Variants in CFAP20DC observed in about 807,000 individuals in gnomAD.
CFAP20DC encodes the protein protein CFAP20DC.
A neutral mutation model predicts 101.7 loss-of-function variants in CFAP20DC; 84 were observed. The ratio of observed to expected loss-of-function variants is 0.83; its 90% CI spans 0.69 to 0.99. The LOEUF (loss-of-function observed/expected upper bound fraction) is 0.99. Ranked by LOEUF, CFAP20DC falls within the 50% of genes least tolerant of loss-of-function variation. The probability of loss-of-function intolerance (pLI) is 0.00; values close to 1 mark genes in which losing one functional copy is unlikely to be tolerated. For missense variants in CFAP20DC, 1,007 were observed against 970.3 expected (o/e 1.04, Z -0.50); for synonymous variants, 359 against 351.2 (o/e 1.02, Z -0.25).
chr3:58,856,488 C>G (rs2078837618), intron 12 of CFAP20DC, among the ~76,000 whole-genome samples: 1 of 152,226 alleles, frequency 6.6e-6, no homozygotes, highest in African/African-American at 2.4e-5. Flanking sequence ...GCTGCAGGCA[C>G]TGGGCAACCC....
intron 15 of CFAP20DC, among the ~76,000 whole-genome samples, chr3:58,756,260 C>G (rs2068946671): frequency 2.0e-5 from 3 of 152,030 alleles, no homozygotes; most frequent in African/African-American, 7.2e-5. Context: ...TCAGTATCCT[C>G]AAGATATTTA....
At chr3:58,901,244 CT>C (rs2083119363) in intron 6 of CFAP20DC, among the ~76,000 whole-genome samples, 1 of 152,192 alleles carries the variant, frequency 6.6e-6, no homozygotes, top group Non-Finnish European at 1.5e-5. Context: ...TGTTCATTCA[CT>C]CATTCATTTG....
At chr3:58,932,037 C>T (rs989921688) in intron 5 of CFAP20DC, among the ~76,000 whole-genome samples, 2 of 152,026 alleles carry the variant, frequency 1.3e-5, no homozygotes, top group Admixed American at 1.3e-4. Context: ...AAAATTTAGA[C>T]GAATGTATAA....
chr3:58,989,355 C>T (rs1241190082), intron 4 of CFAP20DC, among the ~76,000 whole-genome samples: 5 of 152,036 alleles, frequency 3.3e-5, no homozygotes, highest in African/African-American at 9.7e-5. Context: ...TAAGAACATG[C>T]TGTTTTTAGA....
At chr3:58,813,789 C>A (rs1310188783) in intron 14 of CFAP20DC, among the ~76,000 whole-genome samples, 4 of 151,840 alleles carry the variant, frequency 2.6e-5, no homozygotes, top group African/African-American at 9.7e-5. Flanking sequence ...TACTCAGATA[C>A]TTTGGTAATT....
At chr3:58,888,056 C>G (rs1453837140) in intron 6 of CFAP20DC, among the ~76,000 whole-genome samples, 1 of 152,182 alleles carries the variant, frequency 6.6e-6, no homozygotes, top group East Asian at 1.9e-4. Flanking sequence ...CACTCATCTC[C>G]CCACCTCACC....
chr3:58,933,882 A>G (rs2087107767), intron 5 of CFAP20DC, among the ~76,000 whole-genome samples: 1 of 151,884 alleles, frequency 6.6e-6, no homozygotes, highest in Admixed American at 6.6e-5. Context: ...AAGAGCAAAC[A>G]CATTCAAAAG....
intron 14 of CFAP20DC, among the ~76,000 whole-genome samples, chr3:58,818,203 C>A (rs914368564): frequency 6.6e-6 from 1 of 151,808 alleles, no homozygotes; most frequent in African/African-American, 2.4e-5. Flanking sequence ...AATGTAAAGA[C>A]CATCGAGACT....
At chr3:58,962,074 C>A (rs1439698660) in intron 4 of CFAP20DC, among the ~76,000 whole-genome samples, 1 of 152,024 alleles carries the variant, frequency 6.6e-6, no homozygotes, top group Non-Finnish European at 1.5e-5. Flanking sequence ...GTTTGCTGTT[C>A]TCTTTCTAGT....
chr3:58,863,074 C>A lies in CFAP20DC; in HGVS notation c.1593+484G>T. The A allele has an allele frequency of 1.0e-6, 1 of 993,698 alleles. No individual in the cohort carries two copies. The highest frequency in any genetic ancestry group is 1.2e-6 in the Non-Finnish European group (1 of 835,890). 61.6% of individuals were successfully genotyped at this position (993,698 alleles called of 1,614,324 possible). Reference sequence around the variant, plus strand: ...CTCATTATCTAAACTTTAATTGGCACAACTCTTCAAATTCTGGGACCATAT... The same window carrying A: ...CTCATTATCTAAACTTTAATTGGCAAAACTCTTCAAATTCTGGGACCATAT... On this transcript the variant is annotated intron_variant, in intron 12 of 16. Transcript: ENST00000482387. This position sits in a 1 kb window ranked among gnomAD's most constrained non-coding sequence, Gnocchi z 5.9.
chr3:58,759,621 C>T (rs1239589842), intron 15 of CFAP20DC, among the ~76,000 whole-genome samples: 2 of 152,142 alleles, frequency 1.3e-5, no homozygotes, highest in Admixed American at 1.3e-4. Flanking sequence ...TGCCTATGTC[C>T]TGGATGGTAT....
intron 15 of CFAP20DC, among the ~76,000 whole-genome samples, chr3:58,787,055 G>T (rs546190188): frequency 6.6e-6 from 1 of 151,466 alleles, no homozygotes; most frequent in Non-Finnish European, 1.5e-5. Context: ...AATATACAAA[G>T]AAAGAATATT....
At chr3:58,818,437 T>C (rs2075363625) in intron 14 of CFAP20DC, among the ~76,000 whole-genome samples, 2 of 150,886 alleles carry the variant, frequency 1.3e-5, no homozygotes, top group South Asian at 4.2e-4. Context: ...AATAAAAGGA[T>C]GGAGGAAGAT....
At position 58,894,670 on chromosome 3, in the gene CFAP20DC, G is replaced by A. The variant is rs558191804; in HGVS notation, c.551-9961C>T. Among the ~76,000 whole-genome samples the A allele has an allele frequency of 2.0e-5, 3 of 152,310 alleles. No homozygotes were observed. The highest frequency in any genetic ancestry group is 4.1e-4 in the South Asian group (2 of 4,826). ...TGGATCTACCATTCCGGGGTTTGGA[G>A]GATGGTGGCCCTCTTCTTACAGCTC... is the stretch of plus-strand genomic sequence containing the variant. On this transcript the variant is annotated intron_variant, in intron 6 of 16. Transcript: ENST00000482387. The surrounding 1 kb of genome is among the most constrained non-coding windows in gnomAD (Gnocchi z 4.1).
At position 58,799,064 on chromosome 3, in the gene CFAP20DC, T is replaced by A. The variant is rs2073469539; in HGVS notation, c.2237+7331A>T. Among the ~76,000 whole-genome samples the A allele has an allele frequency of 2.6e-5, 4 of 152,286 alleles. No individual in the cohort carries two copies. In the South Asian group the frequency reaches 8.3e-4, roughly 32 times the overall value. On this transcript the variant is annotated intron_variant, in intron 15 of 16. Coordinates refer to ENST00000482387, the MANE Select transcript of CFAP20DC (RefSeq NM_001394063.1). This position sits in a 1 kb window ranked among gnomAD's most constrained non-coding sequence, Gnocchi z 4.9. The stretch of plus-strand genomic sequence containing the variant: ...TATCTCTGAGGTACGCTTGTATGTA[T>A]ATATATAATGTGTATATATGTATGT...
At position 58,869,238 on chromosome 3, in the gene CFAP20DC, A is replaced by G; in HGVS notation, c.1015+90T>C. 9.5e-7 allele frequency: 1 copy of G among 1,048,364 alleles called. No individual in the cohort carries two copies. The highest frequency in any genetic ancestry group is 1.4e-6 in the Non-Finnish European group (1 of 729,944). The allele number at this position is 1,048,364 out of a possible 1,614,324, so 64.9% of individuals were successfully genotyped here. On this transcript the variant is annotated intron_variant, in intron 9 of 16. Transcript: ENST00000482387. The surrounding 1 kb of genome is among the most constrained non-coding windows in gnomAD (Gnocchi z 4.3). Reference sequence around the variant, plus strand: ...TGACAATTCTCTAGACTTAAGATCTAGACTTGAATATAACTGCTGATTTAT... The same window carrying G: ...TGACAATTCTCTAGACTTAAGATCTGGACTTGAATATAACTGCTGATTTAT...
intron 11 of CFAP20DC, among the ~76,000 whole-genome samples, chr3:58,866,104 G>T (rs1422299040): frequency 6.6e-6 from 1 of 152,164 alleles, no homozygotes; most frequent in African/African-American, 2.4e-5. Context: ...AGGTTTCAAC[G>T]TTGCATAAAT....
At chr3:58,786,700 G>A (rs1260277549) in intron 15 of CFAP20DC, among the ~76,000 whole-genome samples, 1 of 142,776 alleles carries the variant, frequency 7.0e-6, no homozygotes, top group Non-Finnish European at 1.5e-5. Context: ...TAGTGATGTT[G>A]GCAATTAAGA....
intron 3 of CFAP20DC, among the ~76,000 whole-genome samples, chr3:58,735,546 G>C (rs535394304): frequency 6.6e-6 from 1 of 152,308 alleles, no homozygotes; most frequent in Non-Finnish European, 1.5e-5. Flanking sequence ...GAGCAATAAA[G>C]ACAAGAAATG....
Sources: allele counts gnomAD v4.1 joint callset (sites outside exome capture counted in the v4.1 genomes callset), GRCh38; gene constraint gnomAD v4.1.1; non-coding constraint Gnocchi (gnomAD v3.1); transcripts MANE v1.5; gene names NCBI Gene and HGNC (gene_info 2026-07-23, HGNC 2026-07-21).